SYNPO2: variants seen among roughly 807,000 people sequenced by gnomAD.
SYNPO2 encodes the protein synaptopodin 2.
Under a neutral mutation model 85.0 loss-of-function variants are expected in SYNPO2, and 56 were observed. That is an observed-to-expected ratio of 0.66 (90% CI 0.53 to 0.82). The LOEUF (loss-of-function observed/expected upper bound fraction) is 0.82. Among genes scored for constraint, SYNPO2 ranks in the 40% least tolerant of loss-of-function variants. The pLI, the probability that SYNPO2 is intolerant of heterozygous loss-of-function variation, is 0.00. For synonymous variants in SYNPO2, 602 were observed against 591.1 expected (o/e 1.02, Z -0.27); for missense variants, 1,575 against 1,534.2 (o/e 1.03, Z -0.44).
chr4:118,955,368 T>C (rs1278701945), intron 1 of SYNPO2, among the ~76,000 whole-genome samples: 2 of 152,128 alleles, frequency 1.3e-5, no homozygotes, highest in African/African-American at 4.8e-5. Context: ...GAAATCTAAA[T>C]AGAAATGATA....
Position 119,041,566 on chromosome 4 carries a change from G to A in SYNPO2, c.3252+9539G>A, listed in dbSNP as rs534599528. ...AATGGTGCAGATCATAATTCTTCACGTAAGTCCAATATGGGCTAGATTTTG... is the reference window on the plus strand; with the variant it reads ...AATGGTGCAGATCATAATTCTTCACATAAGTCCAATATGGGCTAGATTTTG... On this transcript the variant is annotated intron_variant, in intron 4 of 4. Coordinates refer to ENST00000307142, the MANE Select transcript of SYNPO2 (RefSeq NM_133477.3). 3.9e-4 allele frequency among the ~76,000 whole-genome samples: 59 copies of A among 152,038 alleles called. 1 individual carries two copies. Among genetic ancestry groups the A allele is most frequent in the Non-Finnish European group, 2.5e-4 (17 of 68,002 alleles).
intron 4 of SYNPO2, chr4:119,036,384 G>A: frequency 1.0e-6 from 1 of 985,322 alleles, no homozygotes; most frequent in Non-Finnish European, 1.2e-6. Context: ...GCTGGTCTTG[G>A]GTCCACATAT....
Position 119,024,342 on chromosome 4 carries a change from A to G in SYNPO2, c.257+761A>G, listed in dbSNP as rs533511103. On this transcript the variant is annotated intron_variant, in intron 2 of 4. Transcript: ENST00000307142. The stretch of plus-strand genomic sequence containing the variant: ...CTGGCTATTGCATGATAATGAATCC[A>G]GAAAGGAAAGCTTTGGCTTCCTGGA... 7.2e-5 allele frequency among the ~76,000 whole-genome samples: 11 copies of G among 152,372 alleles called. 1 individual carries two copies. In the South Asian group the frequency reaches 2.1e-3, roughly 29 times the overall value.
At chr4:119,056,281 C>T (rs563101282) in intron 4 of SYNPO2, among the ~76,000 whole-genome samples, 2 of 152,220 alleles carry the variant, frequency 1.3e-5, no homozygotes, top group East Asian at 3.9e-4. Flanking sequence ...AGCCAGGCAC[C>T]GGGGCTCATG....
At chr4:118,889,169 C>A in intron 1 of SYNPO2, 28 bp downstream of exon 1, 1 of 1,608,718 alleles carries the variant, frequency 6.2e-7, no homozygotes, top group Non-Finnish European at 8.5e-7. Context: ...TGTCACGGCT[C>A]TGTGCTAGGA....
intron 1 of SYNPO2, among the ~76,000 whole-genome samples, chr4:118,949,864 G>T (rs544424581): frequency 6.6e-6 from 1 of 151,920 alleles, no homozygotes; most frequent in Non-Finnish European, 1.5e-5. Flanking sequence ...TTTTTTTTCA[G>T]AATACAAATC....
At chr4:118,874,844 G>C (rs1300205925) in intron 1 of SYNPO2, among the ~76,000 whole-genome samples, 1 of 152,078 alleles carries the variant, frequency 6.6e-6, no homozygotes, top group Non-Finnish European at 1.5e-5. Flanking sequence ...ACAAAATTCA[G>C]ATACATGACT....
chr4:118,889,980 TG>T (rs1413316146), intron 1 of SYNPO2, among the ~76,000 whole-genome samples: 3 of 152,192 alleles, frequency 2.0e-5, no homozygotes, highest in Non-Finnish European at 4.4e-5. Context: ...ATCATCAAAT[TG>T]CAAATTATAG....
intron 1 of SYNPO2, among the ~76,000 whole-genome samples, chr4:118,906,305 A>G (rs945137405): frequency 9.2e-5 from 14 of 152,154 alleles, no homozygotes; most frequent in African/African-American, 3.1e-4. Flanking sequence ...TTTTAATGTA[A>G]TAGTATGTAG....
intron 4 of SYNPO2, among the ~76,000 whole-genome samples, chr4:119,044,277 C>T (rs1207058731): frequency 3.3e-5 from 5 of 152,230 alleles, no homozygotes; most frequent in African/African-American, 9.6e-5. Context: ...TGTTTCTCCT[C>T]CAGCAAAACA....
At chr4:119,025,161 G>A (rs1036922507) in intron 2 of SYNPO2, among the ~76,000 whole-genome samples, 1 of 152,090 alleles carries the variant, frequency 6.6e-6, no homozygotes, top group Non-Finnish European at 1.5e-5. Context: ...CCATTTGTCT[G>A]TATTGGTCTA....
At chr4:118,914,860 GGTA>G (rs1263883938) in intron 1 of SYNPO2, among the ~76,000 whole-genome samples, 2 of 151,972 alleles carry the variant, frequency 1.3e-5, no homozygotes, top group Non-Finnish European at 2.9e-5. Flanking sequence ...AGTAAGACAG[GGTA>G]GTTACTCTTG....
chr4:119,015,577 C>A, intron 1 of SYNPO2, among the ~76,000 whole-genome samples: 1 of 152,122 alleles, frequency 6.6e-6, no homozygotes. Flanking sequence ...GATTCCAATT[C>A]ATTTCCTTTA....
chr4:118,879,324 G>A lies in SYNPO2; in HGVS notation c.12+28384G>A, dbSNP rs141296644. On this transcript the variant is annotated intron_variant, in intron 1 of 4. Coordinates refer to the SYNPO2 transcript ENST00000610556. ...GAGGGTTAGAGCTTCCTTTTCCCTA[G>A]GCTCTGGGGAACTGAACGTTTTTGT... is the stretch of plus-strand genomic sequence containing the variant. 8.5e-5 allele frequency among the ~76,000 whole-genome samples: 13 copies of A among 152,290 alleles called. No individual in the cohort carries two copies. In the East Asian group the frequency reaches 2.5e-3, roughly 29 times the overall value.
intron 1 of SYNPO2, among the ~76,000 whole-genome samples, chr4:118,983,649 T>G (rs1159459931): frequency 6.6e-6 from 1 of 152,172 alleles, no homozygotes; most frequent in Non-Finnish European, 1.5e-5. Flanking sequence ...CACTTCTACT[T>G]CCTCCTTGAT....
chr4:118,858,497 G>A (rs1254273975), intron 1 of SYNPO2, among the ~76,000 whole-genome samples: 1 of 152,104 alleles, frequency 6.6e-6, no homozygotes, highest in Admixed American at 6.6e-5. Flanking sequence ...CCGTGTCTAA[G>A]CTTAAAAATC....
chr4:119,057,276 T>G, intron 4 of SYNPO2, 125 bp from the exon 5 acceptor site: 2 of 1,077,866 alleles, frequency 1.9e-6, no homozygotes, highest in Non-Finnish European at 1.2e-6. Context: ...TTCTGGGGGG[T>G]TAATTTATTT....
intron 1 of SYNPO2, among the ~76,000 whole-genome samples, chr4:118,978,467 G>A (rs1172806644): frequency 6.6e-6 from 1 of 152,176 alleles, no homozygotes; most frequent in Non-Finnish European, 1.5e-5. Context: ...AGAAAAACAT[G>A]ACAAACCATT....
chr4:119,023,166 C>G (rs777448243), intron 1 of SYNPO2, among the ~76,000 whole-genome samples: 1 of 152,062 alleles, frequency 6.6e-6, no homozygotes, highest in Non-Finnish European at 1.5e-5. Context: ...TGTCTGGTAC[C>G]TTTACATTGA....
Sources: allele counts gnomAD v4.1 joint callset (sites outside exome capture counted in the v4.1 genomes callset), GRCh38; gene constraint gnomAD v4.1.1; transcripts MANE v1.5; gene names NCBI Gene and HGNC (gene_info 2026-07-23, HGNC 2026-07-21).